Variants in LRP2 observed in about 807,000 individuals in gnomAD.
LRP2 encodes the protein LDL receptor related protein 2.
In LRP2, 172 loss-of-function variants were observed where a neutral mutation model predicts 531.0. The ratio of observed to expected loss-of-function variants is 0.32; its 90% CI spans 0.29 to 0.37. The LOEUF is 0.37. Among genes scored for constraint, LRP2 ranks in the 10% least tolerant of loss-of-function variants. The probability of loss-of-function intolerance (pLI) is 1.00; values close to 1 mark genes in which losing one functional copy is unlikely to be tolerated. For synonymous variants in LRP2, 1,992 were observed against 2,027.6 expected (o/e 0.98, Z 0.47); for missense variants, 5,167 against 5,868.3 (o/e 0.88, Z 3.90).
chr2:169,201,156 T>G (rs1386058690), intron 44 of LRP2, among the ~76,000 whole-genome samples: 1 of 152,208 alleles, frequency 6.6e-6, no homozygotes, highest in African/African-American at 2.4e-5. Flanking sequence ...ATCTTTCTAA[T>G]GAATCAATGA....
chr2:169,324,758 G>A (rs1685000883), intron 1 of LRP2, among the ~76,000 whole-genome samples: 1 of 152,114 alleles, frequency 6.6e-6, no homozygotes, highest in Admixed American at 6.5e-5. Context: ...GAGAAGAGGA[G>A]TCATTTGCCT....
chr2:169,179,538 T>G (rs1687347814), intron 52 of LRP2, among the ~76,000 whole-genome samples: 1 of 151,978 alleles, frequency 6.6e-6, no homozygotes, highest in African/African-American at 2.4e-5. Context: ...CTGACCAACA[T>G]GGAGAAACCC....
At chr2:169,324,975 T>C (rs1685008949) in intron 1 of LRP2, among the ~76,000 whole-genome samples, 1 of 142,654 alleles carries the variant, frequency 7.0e-6, no homozygotes, top group Non-Finnish European at 1.5e-5. Context: ...AGACTTTAAA[T>C]AGAAATTTAC....
chr2:169,170,520 T>C, intron 59 of LRP2, 31 bp downstream of exon 59: 1 of 1,567,806 alleles, frequency 6.4e-7, no homozygotes. Flanking sequence ...CAGTACAAAA[T>C]TCTATGGTAA....
intron 75 of LRP2, among the ~76,000 whole-genome samples, chr2:169,138,227 C>G (rs1324674416): frequency 6.6e-6 from 1 of 152,124 alleles, no homozygotes; most frequent in Non-Finnish European, 1.5e-5. Context: ...GTTCCCTACT[C>G]CTTTTATACA....
intron 16 of LRP2, among the ~76,000 whole-genome samples, chr2:169,264,693 C>G (rs934240526): frequency 6.6e-6 from 1 of 151,896 alleles, no homozygotes; most frequent in Admixed American, 6.6e-5. Flanking sequence ...AGAGACACAC[C>G]CACATATGCA....
In LRP2 at chr2:169,175,134, A is replaced by G. The variant is rs1056998003; in HGVS notation, c.10768+59T>C. 21 of 1,524,502 alleles carry G rather than the reference A, an allele frequency of 1.4e-5. No homozygotes were observed. The African/African-American group carries it at 2.7e-4, about 20-fold the overall frequency. The allele number at this position is 1,524,502 out of a possible 1,614,324, so 94.4% of individuals were successfully genotyped here. On this transcript the variant is annotated intron_variant, in intron 55 of 78. Coordinates refer to ENST00000649046, the MANE Select transcript of LRP2 (RefSeq NM_004525.3). ...ATATTCAGGAAATACCCACAGAATC[A>G]TGATCGTATACAATCAACATAGAAG...
intron 62 of LRP2, among the ~76,000 whole-genome samples, chr2:169,163,797 T>A (rs1025932682): frequency 1.3e-5 from 2 of 152,152 alleles, no homozygotes; most frequent in African/African-American, 2.4e-5. Flanking sequence ...GTGCTGGCCC[T>A]AATGGTAGCA....
At chr2:169,323,095 A>T (rs1332827501) in intron 1 of LRP2, among the ~76,000 whole-genome samples, 11 of 152,184 alleles carry the variant, frequency 7.2e-5, no homozygotes, top group Admixed American at 7.2e-4. Flanking sequence ...AATTATTTAA[A>T]ATCACACATA....
At chr2:169,206,226 C>T (rs1185294761) in intron 39 of LRP2, 38 bp from the exon 40 acceptor site, 1 of 1,613,814 alleles carries the variant, frequency 6.2e-7, no homozygotes, top group Non-Finnish European at 8.5e-7. Flanking sequence ...CAAGCACACA[C>T]AAAGACATTA....
chr2:169,211,043 G>T (rs960696606), intron 37 of LRP2, among the ~76,000 whole-genome samples: 2 of 152,020 alleles, frequency 1.3e-5, no homozygotes, highest in Admixed American at 1.3e-4. Flanking sequence ...AAAAACTATT[G>T]AATTTGTCAT....
intron 68 of LRP2, among the ~76,000 whole-genome samples, chr2:169,149,206 T>C (rs1686034550): frequency 6.6e-6 from 1 of 152,220 alleles, no homozygotes; most frequent in Non-Finnish European, 1.5e-5. Context: ...TGTAGGACAC[T>C]TAGCAGAGTA....
intron 28 of LRP2, among the ~76,000 whole-genome samples, chr2:169,236,862 T>C (rs1189821821): frequency 4.6e-5 from 7 of 152,214 alleles, no homozygotes; most frequent in African/African-American, 1.7e-4. Context: ...ATTGCCAAGC[T>C]AATAAATCAA....
chr2:169,338,355 A>AGAAG (rs1376437176), intron 1 of LRP2, among the ~76,000 whole-genome samples: 11 of 113,646 alleles, frequency 9.7e-5, no homozygotes, highest in African/African-American at 3.4e-4. Flanking sequence ...AAGGAAAGAA[A>AGAAG]GAAGGAAAGA....
At position 169,243,412 on chromosome 2, in the gene LRP2, C is replaced by T; in HGVS notation, c.3541G>A (p.Val1181Ile). 6.2e-7 allele frequency: 1 copy of T among 1,614,130 alleles called. No individual in the cohort carries two copies. Among genetic ancestry groups the T allele is most frequent in the Non-Finnish European group, 8.5e-7 (1 of 1,179,986 alleles). Reference protein sequence around the residue: ...DKDCVDGSDEVGCVLNCTASQ... With the variant: ...DKDCVDGSDEIGCVLNCTASQ... ...AAGGCAATGCACTTACCACAACCAA[C>T]CTCATCAGATCCATCAACACAATCC... The change falls in exon 23 of 79, where the codon GTT (valine) becomes ATT (isoleucine). Residue 1181 changes from valine (V) to isoleucine (I), a missense_variant. Val to Ile is a conservative substitution (Grantham distance 29, BLOSUM62 3). Around this residue, in one of 6 missense-constraint regions of LRP2, gnomAD observed 2,811 missense variants for 3,058.0 expected, o/e 0.92. Transcript: ENST00000649046.
chr2:169,161,279 G>T (rs1283822794), intron 63 of LRP2, among the ~76,000 whole-genome samples: 1 of 152,102 alleles, frequency 6.6e-6, no homozygotes, highest in African/African-American at 2.4e-5. Flanking sequence ...CAACTCAATG[G>T]GGCTAACTTG....
At chr2:169,130,724 T>C (rs1685254726) in intron 77 of LRP2, among the ~76,000 whole-genome samples, 1 of 152,162 alleles carries the variant, frequency 6.6e-6, no homozygotes, top group African/African-American at 2.4e-5. Context: ...GTTAACTCAG[T>C]GCCCAGGAGG....
rs745718781 is a variant in LRP2 at position 169,198,855 on chromosome 2, G to A, written c.8509C>T (p.Pro2837Ser). Residue 2837 changes from proline (P) to serine (S), a missense_variant, in exon 45 of 79, where the codon CCT becomes TCT. Physicochemically the swap from Pro to Ser is moderately conservative, Grantham distance 74. Coordinates refer to ENST00000649046, the MANE Select transcript of LRP2 (RefSeq NM_004525.3). Reference sequence around the variant, plus strand: ...TCTCCGTCACACAAATAAACGCGAGGAATACAAATATTTGAATTATGACAT... The same window carrying A: ...TCTCCGTCACACAAATAAACGCGAGAAATACAAATATTTGAATTATGACAT... The part of the protein sequence containing the change: ...TKCHNSNICI[P>S]RVYLCDGDND... 1.9e-6 allele frequency: 3 copies of A among 1,613,714 alleles called. No homozygotes were observed. Among genetic ancestry groups the A allele is most frequent in the Non-Finnish European group, 2.5e-6 (3 of 1,179,830 alleles).
At chr2:169,304,205 A>G (rs1457074258) in intron 4 of LRP2, among the ~76,000 whole-genome samples, 1 of 152,186 alleles carries the variant, frequency 6.6e-6, no homozygotes, top group Non-Finnish European at 1.5e-5. Context: ...ATAAGGGATA[A>G]AGACACAGAC....
Sources: allele counts gnomAD v4.1 joint callset (sites outside exome capture counted in the v4.1 genomes callset), GRCh38; gene constraint gnomAD v4.1.1; regional missense constraint gnomAD v4.1.1; transcripts MANE v1.5; gene names NCBI Gene and HGNC (gene_info 2026-07-23, HGNC 2026-07-21).